The following NOS1AP variants were observed in gnomAD, a reference collection of about 807,000 sequenced individuals.
NOS1AP encodes the protein carboxyl-terminal PDZ ligand of neuronal nitric oxide synthase protein.
In NOS1AP, 21 loss-of-function variants were observed where a neutral mutation model predicts 56.2. That is an observed-to-expected ratio of 0.37 (90% confidence interval 0.26 to 0.54). The LOEUF (loss-of-function observed/expected upper bound fraction) is 0.54, where lower values mean the gene tolerates loss of function less well. Among genes scored for constraint, NOS1AP ranks in the 20% least tolerant of loss-of-function variants. The pLI is 0.84. For synonymous variants in NOS1AP, 270 were observed against 274.6 expected (o/e 0.98, Z 0.17); for missense variants, 522 against 657.8 (o/e 0.79, Z 2.26).
intron 4 of NOS1AP, among the ~76,000 whole-genome samples, chr1:162,310,058 A>G (rs938966309): frequency 6.6e-6 from 1 of 152,116 alleles, no homozygotes; most frequent in African/African-American, 2.4e-5. Flanking sequence ...TGTCCCTCCA[A>G]AATCAGAGAC....
chr1:162,367,045 C>T lies in NOS1AP; in HGVS notation c.1106-7C>T. 6.2e-7 allele frequency: 1 copy of T among 1,613,892 alleles called. No homozygotes were observed. The highest frequency in any genetic ancestry group is 8.5e-7 in the Non-Finnish European group (1 of 1,180,004). On this transcript the variant is annotated splice_region_variant and splice_polypyrimidine_tract_variant and intron_variant, in intron 9 of 9. Transcript: ENST00000361897. The surrounding 1 kb of genome is among the most constrained non-coding windows in gnomAD (Gnocchi z 6.5). ...TGCCCCTCTGCTACCTCTTGTCTCC[C>T]CTGCAGTGGGCTCCCAGGACAGCTT... is the stretch of plus-strand genomic sequence containing the variant.
At chr1:162,100,465 C>G (rs897703305) in intron 1 of NOS1AP, among the ~76,000 whole-genome samples, 112 of 152,322 alleles carry the variant, frequency 7.4e-4, no homozygotes, top group Non-Finnish European at 1.4e-3. Context: ...CCCTCACCCA[C>G]TTTTTGATGG....
chr1:162,252,949 T>A (rs1016084278), intron 2 of NOS1AP, among the ~76,000 whole-genome samples: 4 of 152,216 alleles, frequency 2.6e-5, no homozygotes, highest in Non-Finnish European at 5.9e-5. Context: ...GCAGTGCTCT[T>A]CTATAGCACT....
rs531184801 is a variant in NOS1AP at position 162,155,450 on chromosome 1, T to G, written c.177+974T>G. Among the ~76,000 whole-genome samples the G allele has an allele frequency of 3.1e-3, 460 of 148,948 alleles. 1 individual carries two copies. The highest frequency in any genetic ancestry group is 8.8e-3 in the African/African-American group (358 of 40,472). On this transcript the variant is annotated intron_variant, in intron 2 of 9. Transcript: ENST00000361897. ...ATACATACATATATACATATATATA[T>G]ATATATAGAGAGAGAGAGAGAGGTA... is the stretch of plus-strand genomic sequence containing the variant.
chr1:162,335,630 G>T (rs1178279367), intron 5 of NOS1AP, among the ~76,000 whole-genome samples: 1 of 152,200 alleles, frequency 6.6e-6, no homozygotes, highest in Non-Finnish European at 1.5e-5. Flanking sequence ...GTTGTTGGAA[G>T]TCAATAGGGA....
intron 1 of NOS1AP, among the ~76,000 whole-genome samples, chr1:162,109,771 C>T (rs768605488): frequency 2.6e-5 from 4 of 151,946 alleles, no homozygotes; most frequent in Admixed American, 1.3e-4. Context: ...ACAGAATGCA[C>T]ACTGGGTATC....
At chr1:162,352,120 C>T (rs555001556) in intron 6 of NOS1AP, among the ~76,000 whole-genome samples, 1 of 152,130 alleles carries the variant, frequency 6.6e-6, no homozygotes, top group Non-Finnish European at 1.5e-5. Flanking sequence ...AGTGCAGTGG[C>T]ATGATCTCAG....
intron 1 of NOS1AP, among the ~76,000 whole-genome samples, chr1:162,071,457 AT>A (rs1237894295): frequency 6.6e-6 from 1 of 151,858 alleles, no homozygotes; most frequent in African/African-American, 2.4e-5. Context: ...GTTTCTTTAG[AT>A]TTTTTTCTTT....
intron 2 of NOS1AP, among the ~76,000 whole-genome samples, chr1:162,166,419 C>G (rs750509564): frequency 1.3e-5 from 2 of 152,226 alleles, no homozygotes; most frequent in Non-Finnish European, 1.5e-5. Context: ...GAGGCCACTT[C>G]TATTCCTCCT....
chr1:162,178,334 A>T (rs188295521), intron 2 of NOS1AP, among the ~76,000 whole-genome samples: 2 of 152,216 alleles, frequency 1.3e-5, no homozygotes, highest in Non-Finnish European at 2.9e-5. Flanking sequence ...TTGTGTGGAC[A>T]TAAGTTTTCA....
intron 2 of NOS1AP, among the ~76,000 whole-genome samples, chr1:162,268,902 T>C (rs570078474): frequency 6.6e-6 from 1 of 152,162 alleles, no homozygotes; most frequent in East Asian, 1.9e-4. Context: ...ATCTGATAAA[T>C]ATGAGTTCTA....
intron 1 of NOS1AP, among the ~76,000 whole-genome samples, chr1:162,137,466 G>A (rs1005917909): frequency 6.6e-6 from 1 of 152,160 alleles, no homozygotes; most frequent in African/African-American, 2.4e-5. Flanking sequence ...TAGGATTGCT[G>A]TCTGGGATCA....
chr1:162,226,611 G>C (rs929274870), intron 2 of NOS1AP, among the ~76,000 whole-genome samples: 1 of 152,166 alleles, frequency 6.6e-6, no homozygotes, highest in Non-Finnish European at 1.5e-5. Context: ...TAATTTGGGG[G>C]CATCAGGAAG....
intron 2 of NOS1AP, among the ~76,000 whole-genome samples, chr1:162,192,862 G>A (rs74531985): frequency 0.058 from 8,839 of 152,200 alleles, 273 homozygotes; most frequent in Middle Eastern, 0.099. Flanking sequence ...TTGCAGAGCA[G>A]AGCACATCCT....
intron 4 of NOS1AP, among the ~76,000 whole-genome samples, chr1:162,322,267 T>C (rs562274526): frequency 1.6e-4 from 24 of 152,238 alleles, no homozygotes; most frequent in African/African-American, 5.1e-4. Flanking sequence ...GGAAGTGCCT[T>C]CAGGTGAGTT....
chr1:162,365,367 C>T (rs1299633670), intron 8 of NOS1AP, 37 bp from the exon 9 acceptor site: 1 of 1,613,786 alleles, frequency 6.2e-7, no homozygotes, highest in Non-Finnish European at 8.5e-7. Context: ...TCTCTTCTCT[C>T]TGTCCTGTCT....
At chr1:162,328,839 C>A (rs1406009751) in intron 4 of NOS1AP, among the ~76,000 whole-genome samples, 1 of 152,202 alleles carries the variant, frequency 6.6e-6, no homozygotes, top group Non-Finnish European at 1.5e-5. Context: ...GAGTGAATTG[C>A]CTATCAGTGA....
chr1:162,082,238 A>G (rs540109653), intron 1 of NOS1AP, among the ~76,000 whole-genome samples: 1 of 152,122 alleles, frequency 6.6e-6, no homozygotes, highest in South Asian at 2.1e-4. Context: ...AATGGCTTCC[A>G]GCTCCATCTA....
At chr1:162,144,796 T>C (rs1376207289) in intron 1 of NOS1AP, among the ~76,000 whole-genome samples, 1 of 152,178 alleles carries the variant, frequency 6.6e-6, no homozygotes, top group Non-Finnish European at 1.5e-5. Context: ...CTGCTTTTTT[T>C]CTCTCCTCTT....
Sources: allele counts gnomAD v4.1 joint callset (sites outside exome capture counted in the v4.1 genomes callset), GRCh38; gene constraint gnomAD v4.1.1; non-coding constraint Gnocchi (gnomAD v3.1); transcripts MANE v1.5; gene names NCBI Gene and HGNC (gene_info 2026-07-23, HGNC 2026-07-21).